The following SANBR variants were observed in gnomAD, a reference collection of about 807,000 sequenced individuals.
SANBR encodes SANT and BTB domain regulator of class switch recombination.
In SANBR, 77 loss-of-function variants were observed where a neutral mutation model predicts 101.8. The observed-to-expected ratio is 0.76, with a 90% CI of 0.63 to 0.91. The LOEUF is 0.91. SANBR is among the 40% of genes least tolerant of loss of function. The probability of loss-of-function intolerance (pLI) is 0.00; values close to 1 mark genes in which losing one functional copy is unlikely to be tolerated. For missense variants in SANBR, 875 were observed against 853.0 expected (o/e 1.03, Z -0.32); for synonymous variants, 279 against 274.7 (o/e 1.02, Z -0.15).
At chr2:61,114,742 C>T (rs1005228506) in intron 16 of SANBR, among the ~76,000 whole-genome samples, 1 of 152,124 alleles carries the variant, frequency 6.6e-6, no homozygotes, top group African/African-American at 2.4e-5. Flanking sequence ...GCAGCCTCGA[C>T]CTCCCAAGGC....
At position 61,106,622 on chromosome 2, in the gene SANBR, C is replaced by G. The variant is rs770693889; in HGVS notation, c.1571C>G (p.Pro524Arg). The change falls in exon 14 of 22, where the codon CCA (proline) becomes CGA (arginine). Residue 524 changes from proline (P) to arginine (R), a missense_variant. Transcript: ENST00000402291. The part of the protein sequence containing the change: ...KGIECDVLLE[P>R]NTPWGPKTGE... Reference sequence around the variant, plus strand: ...ATAGAATGTGATGTTTTACTGGAGCCAAATACACCATGGGGTCCCAAAACT... The same window carrying G: ...ATAGAATGTGATGTTTTACTGGAGCGAAATACACCATGGGGTCCCAAAACT... 3.7e-5 allele frequency: 59 copies of G among 1,600,058 alleles called. No individual in the cohort carries two copies. Among genetic ancestry groups the G allele is most frequent in the Admixed American group, 5.3e-5 (3 of 56,698 alleles).
chr2:61,076,288 C>G (rs565187153), intron 5 of SANBR, among the ~76,000 whole-genome samples: 2 of 148,492 alleles, frequency 1.3e-5, no homozygotes, highest in African/African-American at 4.9e-5. Flanking sequence ...CCACCGTGTG[C>G]GGCCATAAAC....
Position 61,102,569 on chromosome 2 carries a change from G to T in SANBR, c.1366-1284G>T, listed in dbSNP as rs191444375. ...TTTTTTGAGGTGGAGTCTTGCTCTT[G>T]CTCTGTTGCCCAGACTGGAGTGTAG... On this transcript the variant is annotated intron_variant, in intron 12 of 21. Transcript: ENST00000402291. Among the ~76,000 whole-genome samples, 4 of 149,944 alleles carry T rather than the reference G, an allele frequency of 2.7e-5. No individual in the cohort carries two copies. In the East Asian group the frequency reaches 5.9e-4, roughly 22 times the overall value.
intron 12 of SANBR, among the ~76,000 whole-genome samples, chr2:61,099,520 G>A (rs909817246): frequency 6.6e-6 from 1 of 152,200 alleles, no homozygotes; most frequent in African/African-American, 2.4e-5. Context: ...AGGTTTCGAG[G>A]GAGACTCGTG....
At chr2:61,108,197 C>T in intron 14 of SANBR, 120 bp from the exon 15 acceptor site, 2 of 514,306 alleles carry the variant, frequency 3.9e-6, no homozygotes, top group Non-Finnish European at 6.8e-6. Context: ...AATTATGTTT[C>T]AGCCTGGAAG....
downstream of SANBR, among the ~76,000 whole-genome samples, chr2:61,127,068 A>G (rs956471675): frequency 6.6e-6 from 1 of 152,166 alleles, no homozygotes; most frequent in African/African-American, 2.4e-5. Context: ...AACTGACATT[A>G]TTACTCTGAT....
intron 21 of SANBR, among the ~76,000 whole-genome samples, chr2:61,134,880 G>A (rs1381059486): frequency 2.0e-5 from 3 of 151,918 alleles, no homozygotes; most frequent in South Asian, 2.1e-4. Flanking sequence ...GCAACAGAGC[G>A]AGACTCAAAA....
chr2:61,069,840 C>T (rs1335061390), intron 2 of SANBR: 1 of 152,336 alleles, frequency 6.6e-6, no homozygotes, highest in Admixed American at 6.5e-5. Flanking sequence ...TTAATTGAAT[C>T]ATAACTAACT....
chr2:61,125,787 A>G (rs971580185), downstream of SANBR, among the ~76,000 whole-genome samples: 36 of 152,138 alleles, frequency 2.4e-4, no homozygotes, highest in African/African-American at 7.7e-4. Flanking sequence ...TAGCCTCACA[A>G]CGCCCGCCCC....
chr2:61,127,431 C>A (rs1193889054), downstream of SANBR, among the ~76,000 whole-genome samples: 4 of 152,168 alleles, frequency 2.6e-5, no homozygotes, highest in Non-Finnish European at 5.9e-5. Flanking sequence ...GTGAATTCTG[C>A]TGAAATCTGG....
At chr2:61,111,489 C>G (rs915787272) in intron 16 of SANBR, among the ~76,000 whole-genome samples, 2 of 152,194 alleles carry the variant, frequency 1.3e-5, no homozygotes, top group African/African-American at 2.4e-5. Flanking sequence ...AATGAAAAAG[C>G]TGGTTCTTTA....
intron 11 of SANBR, chr2:61,093,157 A>G (rs922012354): frequency 1.3e-5 from 2 of 152,166 alleles, no homozygotes; most frequent in Non-Finnish European, 1.5e-5. Context: ...ATAAAATATA[A>G]AAATAAAATA....
chr2:61,092,611 C>A (rs907386021), intron 11 of SANBR, 24 bp downstream of exon 11: 1 of 1,542,758 alleles, frequency 6.5e-7, no homozygotes, highest in Non-Finnish European at 8.7e-7. Context: ...TTTTAAATAT[C>A]CTGCTCTGCA....
rs114687669 is a variant in SANBR, at chr2:61,117,536, A to G, written c.1935A>G (p.Glu645=). The G allele has an allele frequency of 4.0e-4, 651 of 1,612,240 alleles. 1 individual carries two copies. The highest frequency in any genetic ancestry group is 5.1e-4 in the Non-Finnish European group (597 of 1,178,510). ...GATTCAACCAGGATGCACAAAGAGAAGACGGTAAATTTTATTATTTGGGTA... is the reference window on the plus strand; with the variant it reads ...GATTCAACCAGGATGCACAAAGAGAGGACGGTAAATTTTATTATTTGGGTA... The part of the protein sequence containing the change: ...SLRFNQDAQR[E]DDQRRMTEIT... Residue 645 remains glutamate, a synonymous_variant, in exon 19 of 22, where the codon GAA becomes GAG. Transcript: ENST00000402291.
downstream of SANBR, among the ~76,000 whole-genome samples, chr2:61,125,999 G>A (rs1684502067): frequency 6.6e-6 from 1 of 152,166 alleles, no homozygotes; most frequent in Non-Finnish European, 1.5e-5. Flanking sequence ...CTGAAAGCAG[G>A]CAACTCGAGT....
intron 2 of SANBR, 23 bp from the exon 3 acceptor site, chr2:61,070,319 C>T (rs368590979): frequency 6.6e-7 from 1 of 1,525,704 alleles, no homozygotes; most frequent in African/African-American, 1.4e-5. Flanking sequence ...TTAAATAAAG[C>T]TTTTTGTCTT....
At chr2:61,079,238 A>C (rs1304333589) in intron 6 of SANBR, among the ~76,000 whole-genome samples, 1 of 152,148 alleles carries the variant, frequency 6.6e-6, no homozygotes. Flanking sequence ...AGGGGTCCTG[A>C]GATCAAAAGT....
At chr2:61,079,368 T>C (rs1169796962) in intron 6 of SANBR, among the ~76,000 whole-genome samples, 2 of 152,212 alleles carry the variant, frequency 1.3e-5, no homozygotes, top group South Asian at 2.1e-4. Context: ...ACACTTGTGG[T>C]TTAATAGTCT....
chr2:61,122,544 G>A lies in SANBR; in HGVS notation c.*382G>A. 1 of 998,716 alleles carries A rather than the reference G, an allele frequency of 1.0e-6. No individual in the cohort carries two copies. Among genetic ancestry groups the A allele is most frequent in the Non-Finnish European group, 1.2e-6 (1 of 838,732 alleles). 61.9% of individuals were successfully genotyped at this position (998,716 alleles called of 1,614,324 possible). ...CACAACTGGTAGTGTTACCATGCAT[G>A]GCACTGATTGTAGTATGTCTTTGGA... On this transcript the variant is annotated 3_prime_UTR_variant, in exon 22 of 22. Coordinates refer to ENST00000402291, the MANE Select transcript of SANBR (RefSeq NM_001129993.3).
Sources: gnomAD v4.1 joint callset for allele counts (sites outside exome capture counted in the v4.1 genomes callset) on GRCh38, gnomAD v4.1.1 for gene constraint, MANE v1.5 for transcripts, NCBI Gene and HGNC (gene_info 2026-07-23, HGNC 2026-07-21) for gene names.